The following INSYN2B variants were observed in gnomAD, a reference collection of about 807,000 sequenced individuals.
INSYN2B encodes protein INSYN2B.
Under a neutral mutation model 41.2 loss-of-function variants are expected in INSYN2B, and 16 were observed. That is an observed-to-expected ratio of 0.39 (90% CI 0.26 to 0.59). INSYN2B has a LOEUF of 0.59. Among genes scored for constraint, INSYN2B ranks in the 20% least tolerant of loss-of-function variants. The pLI is 0.57. For synonymous variants in INSYN2B, 245 were observed against 244.4 expected, an observed-to-expected ratio of 1.00 and a Z score of -0.02; for missense variants, 608 against 646.4, an observed-to-expected ratio of 0.94 and a Z score of 0.64.
chr5:169,964,282 T>C (rs1050470060), intron 1 of INSYN2B, among the ~76,000 whole-genome samples: 1 of 152,196 alleles, frequency 6.6e-6, no homozygotes, highest in Admixed American at 6.5e-5. Flanking sequence ...ACTCCCGGAC[T>C]CTGGCCCCCA....
chr5:169,928,221 C>G lies in INSYN2B; in HGVS notation c.-918-43405G>C, dbSNP rs149621008. 2.0e-5 allele frequency among the ~76,000 whole-genome samples: 3 copies of G among 152,330 alleles called. No individual in the cohort carries two copies. In the East Asian group the frequency reaches 5.8e-4, roughly 29 times the overall value. ...AATATTGACAGCAGCCTCAATGCAC[C>G]AGCAGGAGGGGTCTACAGTTATTGC... On this transcript the variant is annotated intron_variant, in intron 1 of 3. Transcript: ENST00000377365.
At chr5:169,902,131 A>G (rs1262507740) in intron 1 of INSYN2B, among the ~76,000 whole-genome samples, 2 of 152,220 alleles carry the variant, frequency 1.3e-5, no homozygotes, top group African/African-American at 4.8e-5. Context: ...GCCATCTATC[A>G]GAAATACCAC....
chr5:169,953,542 A>G (rs1776751223), intron 1 of INSYN2B, among the ~76,000 whole-genome samples: 1 of 152,172 alleles, frequency 6.6e-6, no homozygotes, highest in Non-Finnish European at 1.5e-5. Context: ...GGAGCTGTCA[A>G]TAACATCAGC....
chr5:169,875,269 C>G (rs1274332582), intron 3 of INSYN2B: 2 of 456,610 alleles, frequency 4.4e-6, no homozygotes, highest in Non-Finnish European at 8.8e-6. Flanking sequence ...ACCCCACACT[C>G]TCTGATTCAG....
At chr5:169,923,409 C>A (rs1416258272) in intron 1 of INSYN2B, among the ~76,000 whole-genome samples, 2 of 152,126 alleles carry the variant, frequency 1.3e-5, no homozygotes, top group Non-Finnish European at 2.9e-5. Flanking sequence ...GGATTTCAGC[C>A]TTTATAGATG....
chr5:169,908,877 A>G (rs1774442492), intron 1 of INSYN2B, among the ~76,000 whole-genome samples: 1 of 151,932 alleles, frequency 6.6e-6, no homozygotes, highest in Non-Finnish European at 1.5e-5. Context: ...ACATTATTGC[A>G]TTTCACCTTC....
intron 1 of INSYN2B, among the ~76,000 whole-genome samples, chr5:169,923,078 C>T (rs1236767641): frequency 1.3e-5 from 2 of 152,176 alleles, no homozygotes; most frequent in Non-Finnish European, 2.9e-5. Flanking sequence ...GGACACAGAG[C>T]CACCACCTCA....
At chr5:169,906,283 G>A (rs1028411671) in intron 1 of INSYN2B, among the ~76,000 whole-genome samples, 1 of 152,074 alleles carries the variant, frequency 6.6e-6, no homozygotes, top group African/African-American at 2.4e-5. Context: ...AAATGAGTAT[G>A]ATCATAGTAC....
intron 1 of INSYN2B, among the ~76,000 whole-genome samples, chr5:169,890,818 C>T (rs1397681150): frequency 2.6e-5 from 4 of 152,178 alleles, no homozygotes; most frequent in Non-Finnish European, 5.9e-5. Flanking sequence ...CTGGTATTCA[C>T]ACCCAGGTCT....
In INSYN2B at chr5:169,861,623, T is replaced by G. The variant is rs147659441; in HGVS notation, c.*2650A>C. Among the ~76,000 whole-genome samples, 1 of 152,216 alleles carries G rather than the reference T, an allele frequency of 6.6e-6. No individual in the cohort carries two copies. The highest frequency in any genetic ancestry group is 1.5e-5 in the Non-Finnish European group (1 of 68,030). ...ACAGCATTTCTGTAGAATATCATGG[T>G]AGATGTTACGTAATATTTTACAAAG... On this transcript the variant is annotated 3_prime_UTR_variant, in exon 4 of 4. Coordinates refer to ENST00000377365, the MANE Select transcript of INSYN2B (RefSeq NM_001129891.3).
chr5:169,882,152 A>T (rs954998419), intron 2 of INSYN2B, among the ~76,000 whole-genome samples: 2 of 152,218 alleles, frequency 1.3e-5, no homozygotes, highest in Admixed American at 6.5e-5. Context: ...TCACAATGAC[A>T]TGAAGAACAG....
chr5:169,945,444 G>A (rs1384831624), intron 1 of INSYN2B, among the ~76,000 whole-genome samples: 1 of 152,242 alleles, frequency 6.6e-6, no homozygotes, highest in Non-Finnish European at 1.5e-5. Flanking sequence ...ATGCTAACAA[G>A]TGTTATTAAT....
intron 1 of INSYN2B, among the ~76,000 whole-genome samples, chr5:169,973,490 A>G (rs1561860489): frequency 2.0e-5 from 3 of 152,266 alleles, no homozygotes; most frequent in African/African-American, 7.2e-5. Context: ...CTACAGTCCT[A>G]CAGAACCTGC....
intron 1 of INSYN2B, among the ~76,000 whole-genome samples, chr5:169,978,136 C>T (rs371719818): frequency 5.3e-5 from 8 of 152,048 alleles, no homozygotes; most frequent in African/African-American, 9.7e-5. Flanking sequence ...ACTATAGCAA[C>T]GTGTCACCAG....
chr5:169,871,816 C>A (rs981413764), intron 3 of INSYN2B, among the ~76,000 whole-genome samples: 1 of 152,220 alleles, frequency 6.6e-6, no homozygotes, highest in Non-Finnish European at 1.5e-5. Flanking sequence ...TATGGACCAG[C>A]TGACCAGTCC....
chr5:169,880,136 G>A (rs2113495611), intron 3 of INSYN2B, among the ~76,000 whole-genome samples: 1 of 152,322 alleles, frequency 6.6e-6, no homozygotes, highest in South Asian at 2.1e-4. Context: ...CAATGCTGCA[G>A]GGCTCTTCCG....
intron 1 of INSYN2B, among the ~76,000 whole-genome samples, chr5:169,936,462 A>T (rs1007780342): frequency 6.6e-6 from 1 of 152,122 alleles, no homozygotes; most frequent in African/African-American, 2.4e-5. Context: ...CAGATCCAGT[A>T]CCCAGGGAGG....
Position 169,863,058 on chromosome 5 carries a change from T to C in INSYN2B, c.*1215A>G, listed in dbSNP as rs1330062201. ...CTCATCCACAAGAGTATATAGCAAT[T>C]ACTTAATTATATTACTTTAGTAGTT... On this transcript the variant is annotated 3_prime_UTR_variant, in exon 4 of 4. Transcript: ENST00000377365. 6.6e-6 allele frequency among the ~76,000 whole-genome samples: 1 copy of C among 152,216 alleles called. No individual in the cohort carries two copies. The highest frequency in any genetic ancestry group is 2.4e-5 in the African/African-American group (1 of 41,454).
intron 1 of INSYN2B, among the ~76,000 whole-genome samples, chr5:169,911,811 G>A (rs149348070): frequency 8.7e-4 from 133 of 152,274 alleles, no homozygotes; most frequent in African/African-American, 3.1e-3. Flanking sequence ...CAAGTTCCAC[G>A]GAAAGCCTAG....
Sources: allele counts gnomAD v4.1 joint callset (sites outside exome capture counted in the v4.1 genomes callset), GRCh38; gene constraint gnomAD v4.1.1; transcripts MANE v1.5; gene names NCBI Gene and HGNC (gene_info 2026-07-23, HGNC 2026-07-21).